KCNH1: variants seen among roughly 807,000 people sequenced by gnomAD.
The protein encoded by KCNH1 is voltage-gated delayed rectifier potassium channel KCNH1.
KCNH1 carries 27 observed loss-of-function variants against 69.2 expected under a neutral mutation model. The observed-to-expected ratio is 0.39, with a 90% CI of 0.29 to 0.54. The LOEUF is 0.54. Among genes scored for constraint, KCNH1 ranks in the 20% least tolerant of loss-of-function variants. The probability of loss-of-function intolerance (pLI) is 0.68; values close to 1 mark genes in which losing one functional copy is unlikely to be tolerated. For synonymous variants in KCNH1, 456 were observed against 487.7 expected, an observed-to-expected ratio of 0.93 and a Z score of 0.86; for missense variants, 798 against 1,261.6, an observed-to-expected ratio of 0.63 and a Z score of 5.57.
At chr1:211,045,221 A>G (rs1403208164) in intron 5 of KCNH1, among the ~76,000 whole-genome samples, 15 of 151,592 alleles carry the variant, frequency 9.9e-5, no homozygotes, top group Non-Finnish European at 2.1e-4. Context: ...AGCTATGAGG[A>G]TACAAAGGCA....
intron 6 of KCNH1, among the ~76,000 whole-genome samples, chr1:210,997,409 T>C (rs1276284352): frequency 6.6e-6 from 1 of 152,058 alleles, no homozygotes; most frequent in Non-Finnish European, 1.5e-5. Flanking sequence ...AGAAAGGGTA[T>C]CAGTGATGGA....
chr1:210,905,474 G>T (rs1385204205), intron 7 of KCNH1, among the ~76,000 whole-genome samples: 2 of 152,044 alleles, frequency 1.3e-5, no homozygotes, highest in African/African-American at 4.8e-5. Context: ...GGATCCAAAT[G>T]GTCAATATAG....
chr1:210,849,298 T>C (rs914478654), intron 7 of KCNH1, among the ~76,000 whole-genome samples: 2 of 152,066 alleles, frequency 1.3e-5, no homozygotes, highest in African/African-American at 2.4e-5. Flanking sequence ...TGAATTAGAA[T>C]AGAGTTTGTC....
Position 211,046,433 on chromosome 1 carries a change from G to T in KCNH1, c.559-27177C>A, listed in dbSNP as rs546254545. Among the ~76,000 whole-genome samples, 6 of 152,192 alleles carry T rather than the reference G, an allele frequency of 3.9e-5. No homozygotes were observed. The South Asian group carries it at 1.0e-3, about 26-fold the overall frequency. On this transcript the variant is annotated intron_variant, in intron 5 of 10. Coordinates refer to ENST00000271751, the MANE Select transcript of KCNH1 (RefSeq NM_172362.3). ...CAGATGCCCTTCCCCAGGAGCGAGG[G>T]TGTTATGGCATTGGTTATCATTTAC...
At chr1:210,756,957 A>G (rs1574237073) in intron 10 of KCNH1, among the ~76,000 whole-genome samples, 1 of 152,228 alleles carries the variant, frequency 6.6e-6, no homozygotes, top group African/African-American at 2.4e-5. Flanking sequence ...GTTCTTACTG[A>G]TTAGCAATTC....
At chr1:210,729,591 A>T (rs1172184339) in intron 10 of KCNH1, among the ~76,000 whole-genome samples, 2 of 152,262 alleles carry the variant, frequency 1.3e-5, no homozygotes, top group African/African-American at 4.8e-5. Context: ...TAATTTTTAA[A>T]GTAAATCATA....
chr1:211,057,852 T>C (rs1690342039), intron 5 of KCNH1, among the ~76,000 whole-genome samples: 1 of 152,102 alleles, frequency 6.6e-6, no homozygotes, highest in Non-Finnish European at 1.5e-5. Flanking sequence ...ATATTAATAT[T>C]CAAGTACAGG....
rs1164596950 is a variant in KCNH1, at chr1:211,087,656, CA to C, written c.439+2905del. On this transcript the variant is annotated intron_variant, in intron 4 of 10. Coordinates refer to ENST00000271751, the MANE Select transcript of KCNH1 (RefSeq NM_172362.3). ...ACACACACGCACACACACACACACA[CA>C]CACACACCCCAGAGCTGTTAGCAAA... Among the ~76,000 whole-genome samples the C allele has an allele frequency of 5.1e-4, 78 of 151,922 alleles. No homozygotes were observed. The South Asian group carries it at 7.3e-3, about 14-fold the overall frequency.
intron 7 of KCNH1, among the ~76,000 whole-genome samples, chr1:210,876,000 A>G (rs1686366423): frequency 6.6e-6 from 1 of 152,164 alleles, no homozygotes; most frequent in Non-Finnish European, 1.5e-5. Flanking sequence ...TTCCTGAATA[A>G]ATGGAGAAAT....
chr1:210,987,571 A>G (rs1228954638), intron 6 of KCNH1, among the ~76,000 whole-genome samples: 1 of 151,972 alleles, frequency 6.6e-6, no homozygotes, highest in African/African-American at 2.4e-5. Flanking sequence ...TTGCCTGGGT[A>G]TCAGCAGCGG....
chr1:211,078,643 C>T (rs979712478), intron 5 of KCNH1, among the ~76,000 whole-genome samples: 82 of 152,208 alleles, frequency 5.4e-4, no homozygotes, highest in African/African-American at 1.9e-3. Context: ...ATTTATAGCA[C>T]TAAATGCCCA....
intron 7 of KCNH1, among the ~76,000 whole-genome samples, chr1:210,810,050 C>T (rs1684669516): frequency 6.6e-6 from 1 of 152,130 alleles, no homozygotes; most frequent in Non-Finnish European, 1.5e-5. Context: ...CTCCTGTCTT[C>T]CTCTTCCTTG....
intron 7 of KCNH1, chr1:210,860,231 C>A: frequency 3.4e-6 from 5 of 1,463,874 alleles, no homozygotes; most frequent in Non-Finnish European, 3.8e-6. Flanking sequence ...TCAAAGCCAT[C>A]TTGCTGAAAG....
intron 7 of KCNH1, among the ~76,000 whole-genome samples, chr1:210,852,797 A>C (rs1284460536): frequency 6.6e-6 from 1 of 152,188 alleles, no homozygotes; most frequent in Non-Finnish European, 1.5e-5. Context: ...TAGCTTTACT[A>C]ATCAAGAAAA....
intron 6 of KCNH1, among the ~76,000 whole-genome samples, chr1:210,954,637 G>T (rs1160460296): frequency 6.6e-6 from 1 of 152,168 alleles, no homozygotes; most frequent in Admixed American, 6.5e-5. Context: ...GCTTTGATTT[G>T]CATTTCTCTG....
intron 6 of KCNH1, among the ~76,000 whole-genome samples, chr1:210,980,973 CA>C (rs1353814010): frequency 6.6e-6 from 1 of 152,136 alleles, no homozygotes; most frequent in Non-Finnish European, 1.5e-5. Flanking sequence ...TCCACTTTGA[CA>C]GCTTTAAAAA....
At chr1:210,728,015 C>A (rs976520989) in intron 10 of KCNH1, among the ~76,000 whole-genome samples, 1 of 152,170 alleles carries the variant, frequency 6.6e-6, no homozygotes, top group African/African-American at 2.4e-5. Context: ...CAGCAGACAA[C>A]CTGCACCAGA....
intron 10 of KCNH1, among the ~76,000 whole-genome samples, chr1:210,707,224 G>A (rs767977336): frequency 7.9e-5 from 12 of 152,042 alleles, no homozygotes; most frequent in Admixed American, 2.6e-4. Context: ...CAGGTAATTG[G>A]TGGATGCACG....
chr1:210,986,557 G>A (rs1232025692), intron 6 of KCNH1, among the ~76,000 whole-genome samples: 1 of 152,106 alleles, frequency 6.6e-6, no homozygotes, highest in Admixed American at 6.6e-5. Context: ...TAGTTTGGCT[G>A]GATATGAAAT....
Sources: gnomAD v4.1 joint callset for allele counts (sites outside exome capture counted in the v4.1 genomes callset) on GRCh38, gnomAD v4.1.1 for gene constraint, MANE v1.5 for transcripts, NCBI Gene and HGNC (gene_info 2026-07-23, HGNC 2026-07-21) for gene names.